The following TNFAIP8 variants were observed in gnomAD, a reference collection of about 807,000 sequenced individuals.
TNFAIP8 encodes TNF alpha induced protein 8.
In TNFAIP8, 7 loss-of-function variants were observed where a neutral mutation model predicts 13.3. The ratio of observed to expected loss-of-function variants is 0.52; its 90% CI spans 0.30 to 0.99. The LOEUF is 0.99. Ranked by LOEUF, TNFAIP8 falls within the 50% of genes least tolerant of loss-of-function variation. The pLI, the probability that TNFAIP8 is intolerant of heterozygous loss-of-function variation, is 0.07. For missense variants in TNFAIP8, 258 were observed against 236.9 expected, an observed-to-expected ratio of 1.09 and a Z score of -0.58; for synonymous variants, 94 against 87.6, an observed-to-expected ratio of 1.07 and a Z score of -0.41.
intron 1 of TNFAIP8, chr5:119,269,020 A>T: frequency 1.7e-6 from 1 of 597,796 alleles, no homozygotes; most frequent in South Asian, 1.9e-5. Context: ...TTCTGAAGCG[A>T]GTGTGAGTGA....
At chr5:119,326,924 C>A (rs566477502) in intron 1 of TNFAIP8, among the ~76,000 whole-genome samples, 3 of 152,144 alleles carry the variant, frequency 2.0e-5, no homozygotes, top group African/African-American at 7.2e-5. Flanking sequence ...TTTGACCCAT[C>A]CCTTTACTGA....
At chr5:119,291,835 T>C (rs1748997775) in intron 1 of TNFAIP8, among the ~76,000 whole-genome samples, 1 of 152,248 alleles carries the variant, frequency 6.6e-6, no homozygotes, top group East Asian at 1.9e-4. Context: ...AAGACATTTT[T>C]GCTTTTGTCT....
chr5:119,340,274 A>G (rs1200324216), intron 1 of TNFAIP8, among the ~76,000 whole-genome samples: 1 of 152,180 alleles, frequency 6.6e-6, no homozygotes, highest in Non-Finnish European at 1.5e-5. Flanking sequence ...GAGCAGAGGA[A>G]CCCTTTATTA....
chr5:119,296,026 G>A (rs1348434648), intron 1 of TNFAIP8, among the ~76,000 whole-genome samples: 3 of 149,922 alleles, frequency 2.0e-5, no homozygotes, highest in Admixed American at 6.7e-5. Flanking sequence ...GAGATTTTGG[G>A]CTGAGACAAT....
intron 1 of TNFAIP8, among the ~76,000 whole-genome samples, chr5:119,324,931 G>C (rs1373025389): frequency 6.6e-6 from 1 of 152,078 alleles, no homozygotes; most frequent in East Asian, 1.9e-4. Flanking sequence ...CTGCAAGATC[G>C]GTTTTAAAGA....
intron 1 of TNFAIP8, among the ~76,000 whole-genome samples, chr5:119,344,592 A>G (rs1210137579): frequency 6.6e-6 from 1 of 152,170 alleles, no homozygotes; most frequent in Non-Finnish European, 1.5e-5. Context: ...GAATTAACAT[A>G]TTTCTAGCCT....
At chr5:119,282,174 A>C (rs975038585) in intron 1 of TNFAIP8, among the ~76,000 whole-genome samples, 1 of 152,316 alleles carries the variant, frequency 6.6e-6, no homozygotes, top group Middle Eastern at 3.4e-3. Context: ...GACTTGGTCA[A>C]CCCTGTTCCC....
At chr5:119,284,508 C>A (rs1484708193) in intron 1 of TNFAIP8, among the ~76,000 whole-genome samples, 1 of 151,944 alleles carries the variant, frequency 6.6e-6, no homozygotes, top group Non-Finnish European at 1.5e-5. Context: ...TGGCAAAACC[C>A]CCTCTCTAAT....
At chr5:119,317,631 C>T (rs1341761474) in intron 1 of TNFAIP8, among the ~76,000 whole-genome samples, 1 of 150,952 alleles carries the variant, frequency 6.6e-6, no homozygotes, top group Admixed American at 6.6e-5. Context: ...TGGAGTCTCA[C>T]TCTCTTGCCC....
intron 1 of TNFAIP8, among the ~76,000 whole-genome samples, chr5:119,330,165 T>A (rs1173205324): frequency 1.3e-5 from 2 of 152,018 alleles, no homozygotes; most frequent in Non-Finnish European, 2.9e-5. Flanking sequence ...CAGAGAGGAC[T>A]GATGGGAAGA....
At chr5:119,384,534 C>T (rs1034152919) in intron 1 of TNFAIP8, among the ~76,000 whole-genome samples, 11 of 152,040 alleles carry the variant, frequency 7.2e-5, no homozygotes, top group African/African-American at 2.4e-4. Flanking sequence ...TAGGCGGTTC[C>T]AGGGATAATG....
chr5:119,334,337 T>A (rs1309568383), intron 1 of TNFAIP8, among the ~76,000 whole-genome samples: 1 of 152,198 alleles, frequency 6.6e-6, no homozygotes, highest in Non-Finnish European at 1.5e-5. Context: ...ATTTATACAC[T>A]TTTGTTCAAG....
In TNFAIP8 at chr5:119,270,506, C is replaced by G. The variant is rs559119115; in HGVS notation, c.1+1599C>G. 3.9e-5 allele frequency among the ~76,000 whole-genome samples: 6 copies of G among 152,312 alleles called. No homozygotes were observed. In the East Asian group the frequency reaches 1.2e-3, roughly 29 times the overall value. On this transcript the variant is annotated intron_variant, in intron 1 of 1. Coordinates refer to the TNFAIP8 transcript ENST00000274456. ...TGAACTCCTGGGCTCAAGTGATCCT[C>G]CTGCCTCAGCCTCCTGAGTAACTGG...
chr5:119,391,313 A>C, intron 1 of TNFAIP8: 1 of 697,954 alleles, frequency 1.4e-6, no homozygotes, highest in Non-Finnish European at 2.6e-6. Flanking sequence ...ATGTATCTGT[A>C]TTTTTAAACT....
At chr5:119,353,621 A>G (rs902923538), upstream of TNFAIP8, among the ~76,000 whole-genome samples, 2 of 147,198 alleles carry the variant, frequency 1.4e-5, no homozygotes, top group African/African-American at 2.5e-5. Context: ...TCAAAGATCA[A>G]CGAAGCTAAC....
intron 1 of TNFAIP8, among the ~76,000 whole-genome samples, chr5:119,371,474 C>T (rs2036465535): frequency 6.6e-6 from 1 of 152,094 alleles, no homozygotes; most frequent in Admixed American, 6.5e-5. Context: ...CTGCCCTCAC[C>T]GTTCTTTTCC....
At chr5:119,274,434 A>G (rs916906343) in intron 1 of TNFAIP8, among the ~76,000 whole-genome samples, 1 of 152,248 alleles carries the variant, frequency 6.6e-6, no homozygotes, top group Non-Finnish European at 1.5e-5. Flanking sequence ...AGGGCAGAGC[A>G]GTCCTCACTT....
intron 1 of TNFAIP8, among the ~76,000 whole-genome samples, chr5:119,334,156 G>GAAAAAAAAAAA (rs1562005111): frequency 9.5e-5 from 14 of 147,258 alleles, no homozygotes; most frequent in Non-Finnish European, 1.3e-4. Context: ...AAAAAAAAAC[G>GAAAAAAAAAAA]GTTTACCTTA....
rs1200290035 is a variant in TNFAIP8 at position 119,398,144 on chromosome 5, A to T, written c.*4763A>T. 6.6e-6 allele frequency: 1 copy of T among 152,210 alleles called. No individual in the cohort carries two copies. The highest frequency in any genetic ancestry group is 1.5e-5 in the Non-Finnish European group (1 of 68,044). 9.4% of individuals were successfully genotyped at this position (152,210 alleles called of 1,614,324 possible). A position where few individuals can be genotyped will look rare whatever the true frequency, so the allele number is the denominator to read the frequency against. On this transcript the variant is annotated 3_prime_UTR_variant, in exon 2 of 2. Transcript: ENST00000504771. ...CTTTATAAGATTAGACAGCCAGTGG[A>T]TAAGGCCCCTTATCTTTCTTCATGG...
Sources: gnomAD v4.1 joint callset for allele counts (sites outside exome capture counted in the v4.1 genomes callset) on GRCh38, gnomAD v4.1.1 for gene constraint, MANE v1.5 for transcripts, NCBI Gene and HGNC (gene_info 2026-07-23, HGNC 2026-07-21) for gene names.